The following CSMD1 variants were observed in gnomAD, a reference collection of about 807,000 sequenced individuals.
The protein encoded by CSMD1 is CUB and Sushi multiple domains 1.
Under a neutral mutation model 417.5 loss-of-function variants are expected in CSMD1, and 213 were observed. That is an observed-to-expected ratio of 0.51 (90% CI 0.46 to 0.57). The LOEUF is 0.57. Among genes scored for constraint, CSMD1 ranks in the 20% least tolerant of loss-of-function variants. The probability of loss-of-function intolerance (pLI) is 0.00; values close to 1 mark genes in which losing one functional copy is unlikely to be tolerated. For missense variants in CSMD1, 6,923 were observed against 4,529.7 expected (o/e 1.53, Z -15.17); for synonymous variants, 2,862 against 1,736.8 (o/e 1.65, Z -16.11).
At chr8:2,939,665 G>A (rs1410980039) in intron 69 of CSMD1, among the ~76,000 whole-genome samples, 1 of 152,192 alleles carries the variant, frequency 6.6e-6, no homozygotes, top group African/African-American at 2.4e-5. Context: ...AGAAACTTCT[G>A]CCGAGACATT....
intron 1 of CSMD1, among the ~76,000 whole-genome samples, chr8:4,885,947 G>A (rs888354919): frequency 6.6e-6 from 1 of 151,930 alleles, no homozygotes; most frequent in Non-Finnish European, 1.5e-5. Context: ...TATCATTTTA[G>A]CTCTTACATT....
chr8:4,319,971 G>A (rs34470235), intron 3 of CSMD1, among the ~76,000 whole-genome samples: 1 of 152,006 alleles, frequency 6.6e-6, no homozygotes, highest in East Asian at 1.9e-4. Context: ...TTTACAGGCA[G>A]AGTGGAAAAA....
At chr8:4,508,687 A>C (rs1380522202) in intron 2 of CSMD1, among the ~76,000 whole-genome samples, 1 of 152,146 alleles carries the variant, frequency 6.6e-6, no homozygotes, top group Non-Finnish European at 1.5e-5. Flanking sequence ...GGCAGCTGGT[A>C]GTGGGTCTGG....
chr8:4,323,106 T>A (rs758512749), intron 3 of CSMD1, among the ~76,000 whole-genome samples: 1 of 152,246 alleles, frequency 6.6e-6, no homozygotes. Context: ...CATATGATTT[T>A]AATGAGACAT....
intron 1 of CSMD1, among the ~76,000 whole-genome samples, chr8:4,714,902 G>C (rs918443054): frequency 2.0e-5 from 3 of 152,130 alleles, no homozygotes; most frequent in Admixed American, 6.6e-5. Flanking sequence ...TGTATAATTT[G>C]ACTATGATCC....
intron 11 of CSMD1, among the ~76,000 whole-genome samples, chr8:3,484,538 T>G (rs1335430490): frequency 6.6e-6 from 1 of 152,170 alleles, no homozygotes; most frequent in East Asian, 1.9e-4. Flanking sequence ...CAAAGAATCC[T>G]TAGAGTTGAC....
intron 5 of CSMD1, among the ~76,000 whole-genome samples, chr8:3,983,568 T>C (rs976798929): frequency 1.3e-5 from 2 of 152,204 alleles, no homozygotes; most frequent in African/African-American, 2.4e-5. Flanking sequence ...AGCCCCAATT[T>C]TGTTTTTGAT....
intron 2 of CSMD1, among the ~76,000 whole-genome samples, chr8:4,616,105 T>A (rs972085357): frequency 1.3e-5 from 2 of 152,174 alleles, no homozygotes; most frequent in African/African-American, 2.4e-5. Context: ...CCCAAACTAT[T>A]TAGACATCTT....
At chr8:3,939,128 C>T (rs2688305) in intron 5 of CSMD1, among the ~76,000 whole-genome samples, 59,194 of 151,978 alleles carry the variant, frequency 0.39, 11,668 homozygotes, top group East Asian at 0.47. Flanking sequence ...TACAGAAAAA[C>T]TGTTCTTGCC....
intron 3 of CSMD1, among the ~76,000 whole-genome samples, chr8:4,307,970 G>A (rs1372840444): frequency 6.6e-6 from 1 of 152,158 alleles, no homozygotes; most frequent in Non-Finnish European, 1.5e-5. Context: ...CACACCTGAA[G>A]AAATTACAGA....
chr8:3,084,065 C>T (rs766320885), intron 49 of CSMD1, among the ~76,000 whole-genome samples: 12 of 152,100 alleles, frequency 7.9e-5, no homozygotes, highest in Non-Finnish European at 1.8e-4. Context: ...CACACAACTG[C>T]TCAACATATC....
In CSMD1 at chr8:3,087,191, C is replaced by T. The variant is rs749133393; in HGVS notation, c.7380G>A (p.Lys2460=). 8 of 1,613,846 alleles carry T rather than the reference C, an allele frequency of 5.0e-6. No homozygotes were observed. The highest frequency in any genetic ancestry group is 1.6e-4 in the Middle Eastern group (1 of 6,072). ...TGTGGCCGACCATTCGGTATCCAGGCTTGCAAAAATAATGCACTTTGCTTC... is the reference window on the plus strand; with the variant it reads ...TGTGGCCGACCATTCGGTATCCAGGTTTGCAAAAATAATGCACTTTGCTTC... ...AVGSKVHYFC[K]PGYRMVGHSN... is the part of the protein sequence containing the mutation. The change falls in exon 49 of 70, where the codon AAG becomes AAA. Residue 2460 remains lysine, a synonymous_variant. Transcript: ENST00000635120.
At chr8:4,157,049 C>G (rs1054243043) in intron 3 of CSMD1, among the ~76,000 whole-genome samples, 2 of 152,108 alleles carry the variant, frequency 1.3e-5, no homozygotes, top group South Asian at 4.1e-4. Flanking sequence ...ACACAAGGAG[C>G]CTGTAGACCA....
intron 3 of CSMD1, among the ~76,000 whole-genome samples, chr8:4,156,098 C>A (rs536568554): frequency 1.3e-5 from 2 of 152,230 alleles, no homozygotes; most frequent in East Asian, 3.9e-4. Flanking sequence ...GTTATCAGAG[C>A]ATAATAATCA....
At chr8:4,650,144 G>T (rs916208365) in intron 1 of CSMD1, among the ~76,000 whole-genome samples, 15 of 152,162 alleles carry the variant, frequency 9.9e-5, no homozygotes, top group Non-Finnish European at 2.2e-4. Context: ...AGGAGATCGA[G>T]ACCATCCTGG....
intron 1 of CSMD1, among the ~76,000 whole-genome samples, chr8:4,894,501 C>T (rs553867616): frequency 5.1e-4 from 76 of 150,016 alleles, no homozygotes; most frequent in Non-Finnish European, 8.5e-4. Flanking sequence ...TGCAGTGAGC[C>T]GAGATCGCAC....
intron 3 of CSMD1, among the ~76,000 whole-genome samples, chr8:4,394,719 A>G (rs1178128375): frequency 6.6e-6 from 1 of 152,166 alleles, no homozygotes; most frequent in Non-Finnish European, 1.5e-5. Flanking sequence ...TGTTGCCCAG[A>G]TCAAAGAGTG....
chr8:4,465,947 G>A (rs1467307377), intron 2 of CSMD1, among the ~76,000 whole-genome samples: 2 of 152,166 alleles, frequency 1.3e-5, no homozygotes, highest in African/African-American at 2.4e-5. Flanking sequence ...GAAATTATGT[G>A]CTTCCAATAC....
chr8:4,036,540 G>T (rs1563346869), intron 3 of CSMD1, among the ~76,000 whole-genome samples: 3 of 152,130 alleles, frequency 2.0e-5, no homozygotes, highest in African/African-American at 4.8e-5. Flanking sequence ...AATTGAATAT[G>T]AAAAATATTT....
Sources: allele counts gnomAD v4.1 joint callset (sites outside exome capture counted in the v4.1 genomes callset), GRCh38; gene constraint gnomAD v4.1.1; transcripts MANE v1.5; gene names NCBI Gene and HGNC (gene_info 2026-07-23, HGNC 2026-07-21).